Variants in PLCB1 observed in about 807,000 individuals in gnomAD.
PLCB1 encodes 1-phosphatidylinositol 4,5-bisphosphate phosphodiesterase beta-1.
Under a neutral mutation model 161.8 loss-of-function variants are expected in PLCB1, and 46 were observed. That is an observed-to-expected ratio of 0.28 (90% CI 0.22 to 0.36). The LOEUF (loss-of-function observed/expected upper bound fraction) is 0.36, where lower values mean the gene tolerates loss of function less well. PLCB1 is among the 10% of genes least tolerant of loss of function. The pLI, the probability that PLCB1 is intolerant of heterozygous loss-of-function variation, is 1.00. For missense variants in PLCB1, 1,016 were observed against 1,472.5 expected (o/e 0.69, Z 5.07); for synonymous variants, 517 against 503.7 (o/e 1.03, Z -0.35).
Position 8,569,656 on chromosome 20 carries a change from C to A in PLCB1, c.247-58638C>A, listed in dbSNP as rs573256299. Reference sequence around the variant, plus strand: ...AAGTAGATTATAGTGTATGCAATCACTGATATTTTTATAATCAATAAGATT... The same window carrying A: ...AAGTAGATTATAGTGTATGCAATCAATGATATTTTTATAATCAATAAGATT... On this transcript the variant is annotated intron_variant, in intron 3 of 31. Transcript: ENST00000338037. 2.0e-5 allele frequency among the ~76,000 whole-genome samples: 3 copies of A among 152,214 alleles called. No individual in the cohort carries two copies. The South Asian group carries it at 6.2e-4, about 32-fold the overall frequency.
chr20:8,265,319 G>A (rs923523000), intron 2 of PLCB1, among the ~76,000 whole-genome samples: 2 of 152,194 alleles, frequency 1.3e-5, no homozygotes, highest in African/African-American at 4.8e-5. Flanking sequence ...CACTGGGATA[G>A]TTGTTACCAT....
intron 2 of PLCB1, among the ~76,000 whole-genome samples, chr20:8,353,565 G>T (rs376097791): frequency 6.6e-6 from 1 of 152,006 alleles, no homozygotes; most frequent in African/African-American, 2.4e-5. Context: ...TTGATAGTAG[G>T]TACCTTTGAC....
chr20:8,319,986 T>G (rs1388818163), intron 2 of PLCB1, among the ~76,000 whole-genome samples: 1 of 151,908 alleles, frequency 6.6e-6, no homozygotes, highest in Non-Finnish European at 1.5e-5. Flanking sequence ...CCCTAAAACT[T>G]AAAGTATAAT....
intron 3 of PLCB1, among the ~76,000 whole-genome samples, chr20:8,556,733 A>G (rs1985968766): frequency 6.6e-6 from 1 of 151,308 alleles, no homozygotes; most frequent in African/African-American, 2.4e-5. Flanking sequence ...AATCTGCCAA[A>G]CCACTAGCTA....
chr20:8,735,222 C>T (rs1361671796), intron 19 of PLCB1, among the ~76,000 whole-genome samples: 4 of 152,134 alleles, frequency 2.6e-5, no homozygotes, highest in Admixed American at 1.3e-4. Context: ...CTTGCAGATT[C>T]GTCTTGTTTT....
chr20:8,853,111 A>C (rs1986945259), intron 31 of PLCB1, among the ~76,000 whole-genome samples: 1 of 151,896 alleles, frequency 6.6e-6, no homozygotes, highest in African/African-American at 2.4e-5. Context: ...AAAATGGCTT[A>C]TCACAAAATT....
intron 2 of PLCB1, among the ~76,000 whole-genome samples, chr20:8,239,430 C>T (rs1201336061): frequency 6.6e-6 from 1 of 151,880 alleles, no homozygotes; most frequent in African/African-American, 2.4e-5. Context: ...GGAATAGGCA[C>T]CAGCTTAGTG....
chr20:8,832,566 G>A (rs1052360682), intron 31 of PLCB1, among the ~76,000 whole-genome samples: 4 of 152,122 alleles, frequency 2.6e-5, no homozygotes, highest in African/African-American at 9.7e-5. Context: ...TTAAAAATTT[G>A]AGTGCGAAGT....
intron 19 of PLCB1, among the ~76,000 whole-genome samples, chr20:8,733,769 CCCTAAA>C (rs1269558706): frequency 3.5e-5 from 5 of 141,330 alleles, no homozygotes; most frequent in African/African-American, 1.4e-4. Context: ...TGCGCATGTA[CCCTAAA>C]ACTTAAAGTA....
intron 9 of PLCB1, among the ~76,000 whole-genome samples, chr20:8,682,584 T>C (rs1447813571): frequency 2.0e-5 from 3 of 152,206 alleles, no homozygotes; most frequent in Non-Finnish European, 4.4e-5. Context: ...TTGAGAAATG[T>C]ATTGAATGTG....
At chr20:8,239,593 T>TAA (rs765027402) in intron 2 of PLCB1, among the ~76,000 whole-genome samples, 2 of 140,392 alleles carry the variant, frequency 1.4e-5, no homozygotes. Flanking sequence ...TTCTGGTACT[T>TAA]AAAAAAAAAA....
chr20:8,823,472 C>T (rs779343659), intron 31 of PLCB1, among the ~76,000 whole-genome samples: 2 of 152,178 alleles, frequency 1.3e-5, no homozygotes, highest in East Asian at 1.9e-4. Flanking sequence ...CTTGTGCATC[C>T]GTGGATTTTG....
chr20:8,491,682 T>C (rs6055854), intron 3 of PLCB1, among the ~76,000 whole-genome samples: 24,806 of 152,046 alleles, frequency 0.16, 2,278 homozygotes, highest in African/African-American at 0.24. Flanking sequence ...TCTGAAGCTG[T>C]TTTCCAATAT....
At chr20:8,368,452 G>A (rs1478040875) in intron 2 of PLCB1, among the ~76,000 whole-genome samples, 6 of 149,452 alleles carry the variant, frequency 4.0e-5, no homozygotes, top group Admixed American at 1.3e-4. Context: ...ACTTGAACCC[G>A]GGAGGTAGAA....
intron 2 of PLCB1, among the ~76,000 whole-genome samples, chr20:8,284,338 T>C (rs182202574): frequency 1.3e-3 from 195 of 152,292 alleles, no homozygotes; most frequent in Non-Finnish European, 1.4e-3. Flanking sequence ...CTTGGGTGAT[T>C]GTATAGAATT....
At chr20:8,300,880 G>T (rs1983879579) in intron 2 of PLCB1, among the ~76,000 whole-genome samples, 1 of 152,180 alleles carries the variant, frequency 6.6e-6, no homozygotes, top group Non-Finnish European at 1.5e-5. Flanking sequence ...CCAGGCTAGA[G>T]TGCTGCTTAC....
At chr20:8,825,411 A>G (rs1985644548) in intron 31 of PLCB1, among the ~76,000 whole-genome samples, 1 of 152,200 alleles carries the variant, frequency 6.6e-6, no homozygotes, top group African/African-American at 2.4e-5. Flanking sequence ...TAACTAGGTA[A>G]ATGGTATAAG....
At chr20:8,619,130 A>G (rs1389885631) in intron 3 of PLCB1, among the ~76,000 whole-genome samples, 2 of 152,168 alleles carry the variant, frequency 1.3e-5, no homozygotes, top group African/African-American at 4.8e-5. Flanking sequence ...TCCTACAATC[A>G]TTTATAATTT....
rs118086374 is a variant in PLCB1 at position 8,771,040 on chromosome 20, G to A, written c.2931-3499G>A. On this transcript the variant is annotated intron_variant, in intron 26 of 31. Coordinates refer to ENST00000338037, the MANE Select transcript of PLCB1 (RefSeq NM_015192.4). ...ATAGAAAGAGAAACAACACACATGC[G>A]TAGACTAAGCTTTGGACAAATTATC... is the stretch of plus-strand genomic sequence containing the variant. 9.9e-4 allele frequency among the ~76,000 whole-genome samples: 150 copies of A among 152,236 alleles called. 3 individuals carry two copies. In the East Asian group the frequency reaches 0.021, roughly 22 times the overall value.
Sources: allele counts gnomAD v4.1 joint callset (sites outside exome capture counted in the v4.1 genomes callset), GRCh38; gene constraint gnomAD v4.1.1; transcripts MANE v1.5; gene names NCBI Gene and HGNC (gene_info 2026-07-23, HGNC 2026-07-21).